The following OR14A2 variants were observed in gnomAD, a reference collection of about 807,000 sequenced individuals.
OR14A2 encodes olfactory receptor family 14 subfamily A member 2, also known as olfactory receptor 14A2.
For synonymous variants in OR14A2, 114 were observed against 58.6 expected (o/e 1.95, Z -4.32); for missense variants, 237 against 152.9 (o/e 1.55, Z -2.90).
At chr1:247,723,073 T>A, downstream of OR14A2, 1 of 688,846 alleles carries the variant, frequency 1.5e-6, no homozygotes, top group Non-Finnish European at 2.7e-6. Context: ...TGTAAGGCAC[T>A]GTATCACTGA....
the OR14A2 span, among the ~76,000 whole-genome samples, chr1:247,733,259 C>T: frequency 1.3e-4 from 20 of 148,246 alleles, no homozygotes; most frequent in East Asian, 1.2e-3. Flanking sequence ...GGACTAAAGA[C>T]GAAAAGTGAA....
At chr1:247,724,871 T>G (rs1331488914), upstream of OR14A2, among the ~76,000 whole-genome samples, 2 of 152,136 alleles carry the variant, frequency 1.3e-5, no homozygotes, top group Non-Finnish European at 2.9e-5. Flanking sequence ...GGTAATTTAC[T>G]TTGTAAAACT....
chr1:247,733,972 G>T, the OR14A2 span, among the ~76,000 whole-genome samples: 10 of 152,044 alleles, frequency 6.6e-5, no homozygotes, highest in African/African-American at 2.4e-4. Flanking sequence ...ATAAAAATAA[G>T]GCTGTTACAT....
At chr1:247,735,495 G>A in the OR14A2 span, among the ~76,000 whole-genome samples, 3 of 152,196 alleles carry the variant, frequency 2.0e-5, no homozygotes, top group South Asian at 2.1e-4. Context: ...GGAGGAAAAG[G>A]TGTGGCATCA....
upstream of OR14A2, among the ~76,000 whole-genome samples, chr1:247,727,854 T>C (rs1292500196): frequency 1.4e-5 from 2 of 146,184 alleles, no homozygotes; most frequent in African/African-American, 2.6e-5. Flanking sequence ...ACACATACAC[T>C]CTCCCAAGAC....
At chr1:247,733,995 C>T in the OR14A2 span, among the ~76,000 whole-genome samples, 2 of 152,074 alleles carry the variant, frequency 1.3e-5, no homozygotes, top group African/African-American at 4.8e-5. Flanking sequence ...TATTAAAAAA[C>T]AAATGGAAAT....
chr1:247,743,037 G>A, the OR14A2 span, among the ~76,000 whole-genome samples: 1 of 152,094 alleles, frequency 6.6e-6, no homozygotes, highest in African/African-American at 2.4e-5. Flanking sequence ...ATTGATAGTC[G>A]ATTCATTTAT....
At chr1:247,725,058 G>A (rs577214508), upstream of OR14A2, among the ~76,000 whole-genome samples, 14 of 151,948 alleles carry the variant, frequency 9.2e-5, no homozygotes, top group East Asian at 5.8e-4. Context: ...GCTTTGTGTT[G>A]ATGGGAGGAG....
chr1:247,746,318 C>T, the OR14A2 span: 2 of 152,142 alleles, frequency 1.3e-5, no homozygotes, highest in Non-Finnish European at 2.9e-5. Flanking sequence ...CCACAATAGT[C>T]ATAGAAAGGG....
At chr1:247,738,867 G>A in the OR14A2 span, 24 of 780,364 alleles carry the variant, frequency 3.1e-5, no homozygotes, top group Non-Finnish European at 5.5e-5. Context: ...CAACTCTGTC[G>A]CCTCCACTGA....
chr1:247,739,375 C>T, the OR14A2 span: 1,868 of 780,776 alleles, frequency 2.4e-3, 27 homozygotes, highest in African/African-American at 0.028. Flanking sequence ...GTAACAGGTG[C>T]TGTTGCTTAT....
chr1:247,743,984 TG>T, the OR14A2 span, among the ~76,000 whole-genome samples: 6 of 152,196 alleles, frequency 3.9e-5, no homozygotes, highest in Non-Finnish European at 7.4e-5. Context: ...ATTAATTTTT[TG>T]CACCCGGGGT....
chr1:247,725,397 G>C (rs1365750203), upstream of OR14A2, among the ~76,000 whole-genome samples: 1 of 151,894 alleles, frequency 6.6e-6, no homozygotes, highest in Admixed American at 6.6e-5. Flanking sequence ...TGGTCAGTCT[G>C]GAGAAATACA....
chr1:247,737,869 C>T, the OR14A2 span, among the ~76,000 whole-genome samples: 1 of 152,060 alleles, frequency 6.6e-6, no homozygotes, highest in Non-Finnish European at 1.5e-5. Context: ...CCCTGTCTGT[C>T]GCTTCCTGTG....
upstream of OR14A2, among the ~76,000 whole-genome samples, chr1:247,725,178 A>G (rs1195565260): frequency 2.6e-5 from 4 of 152,206 alleles, no homozygotes; most frequent in East Asian, 1.9e-4. Context: ...AGGGCTTTCT[A>G]TGTGGGTGAC....
chr1:247,732,834 A>G, the OR14A2 span, among the ~76,000 whole-genome samples: 1 of 152,190 alleles, frequency 6.6e-6, no homozygotes. Context: ...TGAAGAAGCA[A>G]GTCTGAAAGT....
At chr1:247,738,958 C>T in the OR14A2 span, 12 of 780,736 alleles carry the variant, frequency 1.5e-5, no homozygotes, top group East Asian at 2.9e-4. Context: ...ATCCTTACTG[C>T]CATGTCCTAT....
At chr1:247,733,334 T>G in the OR14A2 span, among the ~76,000 whole-genome samples, 1 of 152,108 alleles carries the variant, frequency 6.6e-6, no homozygotes, top group Non-Finnish European at 1.5e-5. Flanking sequence ...GTGACAAAAA[T>G]CCTCAGTAAC....
At chr1:247,735,481 C>T in the OR14A2 span, among the ~76,000 whole-genome samples, 1,984 of 152,266 alleles carry the variant, frequency 0.013, 35 homozygotes, top group African/African-American at 0.044. Flanking sequence ...TTTTCTGACT[C>T]ACTGGAGGAA....
Sources: gnomAD v4.1 joint callset for allele counts (sites outside exome capture counted in the v4.1 genomes callset) on GRCh38, gnomAD v4.1.1 for gene constraint, MANE v1.5 for transcripts, NCBI Gene and HGNC (gene_info 2026-07-23, HGNC 2026-07-21) for gene names.